The following RAD54L2 variants were observed in gnomAD, a reference collection of about 807,000 sequenced individuals.
RAD54L2 encodes the protein helicase ARIP4.
RAD54L2 carries 27 observed loss-of-function variants against 138.4 expected under a neutral mutation model. The observed-to-expected ratio is 0.20, with a 90% CI of 0.14 to 0.27. RAD54L2 has a LOEUF of 0.27. Ranked by LOEUF, RAD54L2 falls within the 10% of genes least tolerant of loss-of-function variation. RAD54L2 has a pLI of 1.00. For missense variants in RAD54L2, 1,396 were observed against 1,890.2 expected (o/e 0.74, Z 4.85); for synonymous variants, 644 against 723.2 (o/e 0.89, Z 1.76).
intron 3 of RAD54L2, among the ~76,000 whole-genome samples, chr3:51,597,994 T>C (rs1221651563): frequency 6.7e-6 from 1 of 148,710 alleles, no homozygotes; most frequent in Non-Finnish European, 1.5e-5. Flanking sequence ...ATAATTATGC[T>C]GAGTGAAAGC....
intron 2 of RAD54L2, among the ~76,000 whole-genome samples, chr3:51,547,266 G>A (rs1698721287): frequency 1.3e-5 from 2 of 151,984 alleles, no homozygotes; most frequent in Non-Finnish European, 2.9e-5. Context: ...CAGTCTCCCA[G>A]TTAGGAGATC....
rs1162539185 is a variant in RAD54L2, at chr3:51,660,052, C to T, written c.3343C>T (p.Arg1115Trp). The T allele has an allele frequency of 3.1e-6, 5 of 1,596,270 alleles. No homozygotes were observed. The highest frequency in any genetic ancestry group is 4.3e-6 in the Non-Finnish European group (5 of 1,165,558). The change falls in exon 22 of 23, where the codon CGG becomes TGG. Residue 1115 changes from arginine to tryptophan, a missense_variant. Around this residue, in one of 7 missense-constraint regions of RAD54L2, gnomAD observed 634 missense variants for 711.2 expected, o/e 0.89. Coordinates refer to ENST00000684192, the MANE Select transcript of RAD54L2 (RefSeq NM_015106.4). ...KGTYIRTSDG[R>W]IFAVRATGKP... The stretch of plus-strand genomic sequence containing the variant: ...GACGTACATCCGTACCAGTGATGGA[C>T]GGATCTTTGCTGTCCGGGCAACTGG...
In RAD54L2 at chr3:51,650,756, G is replaced by A. The variant is rs1233662509; in HGVS notation, c.3026+4275G>A. Among the ~76,000 whole-genome samples, 11 of 152,272 alleles carry A rather than the reference G, an allele frequency of 7.2e-5. No individual in the cohort carries two copies. In the East Asian group the frequency reaches 1.5e-3, roughly 21 times the overall value. Reference sequence around the variant, plus strand: ...AAACCAAAGAGAACAAAGACACAACGTACCAGAATATCTGGGACACATTTA... The same window carrying A: ...AAACCAAAGAGAACAAAGACACAACATACCAGAATATCTGGGACACATTTA... On this transcript the variant is annotated intron_variant, in intron 19 of 22. Transcript: ENST00000684192.
chr3:51,591,515 A>G (rs1699840471), intron 3 of RAD54L2, among the ~76,000 whole-genome samples: 1 of 152,174 alleles, frequency 6.6e-6, no homozygotes, highest in Admixed American at 6.6e-5. Flanking sequence ...CATTCATCCT[A>G]ACAGCTGTCA....
chr3:51,646,565 C>G (rs1324619829), intron 19 of RAD54L2, 84 bp downstream of exon 19: 1 of 1,334,558 alleles, frequency 7.5e-7, no homozygotes, highest in Non-Finnish European at 1.0e-6. Flanking sequence ...AAAGGCAGAG[C>G]CTACAACTTG....
intron 3 of RAD54L2, among the ~76,000 whole-genome samples, chr3:51,621,413 C>G (rs1700566860): frequency 6.6e-6 from 1 of 152,172 alleles, no homozygotes; most frequent in Non-Finnish European, 1.5e-5. Context: ...CCACATTCAG[C>G]CTCATGTCAG....
Position 51,667,897 on chromosome 3 carries a change from C to T in RAD54L2, c.*4477C>T, listed in dbSNP as rs1404771374. ...TTGCAGGTCTATTTGACATAGTAAT[C>T]TAGTGTGTTGGGGAGGGGTAGCCAA... On this transcript the variant is annotated 3_prime_UTR_variant, in exon 23 of 23. Coordinates refer to ENST00000684192, the MANE Select transcript of RAD54L2 (RefSeq NM_015106.4). 1 of 152,140 alleles carries T rather than the reference C, an allele frequency of 6.6e-6. No individual in the cohort carries two copies. The highest frequency in any genetic ancestry group is 2.4e-5 in the African/African-American group (1 of 41,390). 9.4% of individuals were successfully genotyped at this position (152,140 alleles called of 1,614,324 possible).
At chr3:51,646,175 A>T in intron 18 of RAD54L2, 110 bp from the exon 19 acceptor site, 1 of 934,102 alleles carries the variant, frequency 1.1e-6, no homozygotes, top group Non-Finnish European at 1.6e-6. Flanking sequence ...ATCTCTGAGC[A>T]GTCTCTTCGC....
At chr3:51,627,160 C>T (rs1254160231) in intron 3 of RAD54L2, among the ~76,000 whole-genome samples, 4 of 152,284 alleles carry the variant, frequency 2.6e-5, no homozygotes, top group East Asian at 1.9e-4. Context: ...AATGGACTTG[C>T]TTAGAGTCAT....
At position 51,637,032 on chromosome 3, in the gene RAD54L2, G is replaced by T; in HGVS notation, c.1340-129G>T. 1.3e-6 allele frequency: 1 copy of T among 795,086 alleles called. No homozygotes were observed. Among genetic ancestry groups the T allele is most frequent in the Middle Eastern group, 2.4e-4 (1 of 4,152 alleles). 49.3% of individuals were successfully genotyped at this position (795,086 alleles called of 1,614,324 possible). A position where few individuals can be genotyped will look rare whatever the true frequency, so the allele number is the denominator to read the frequency against. Reference sequence around the variant, plus strand: ...AATGGCTGGCACCCTCTCACCAAGGGGGGCTGACTCTTGCTTTCCTGCTTC... The same window carrying T: ...AATGGCTGGCACCCTCTCACCAAGGTGGGCTGACTCTTGCTTTCCTGCTTC... On this transcript the variant is annotated intron_variant, in intron 10 of 22. Coordinates refer to ENST00000684192, the MANE Select transcript of RAD54L2 (RefSeq NM_015106.4). This position sits in a 1 kb window ranked among gnomAD's most constrained non-coding sequence, Gnocchi z 5.9.
In RAD54L2 at chr3:51,656,131, C is replaced by T. The variant is rs754302720; in HGVS notation, c.3187C>T (p.Arg1063Cys). ...GAACTTTCCCATCAACTACTTGCAGCGTGCAGGAGTCCTTGTGCAGAAGGT... is the reference window on the plus strand; with the variant it reads ...GAACTTTCCCATCAACTACTTGCAGTGTGCAGGAGTCCTTGTGCAGAAGGT... ...SMNFPINYLQ[R>C]AGVLVQKVVT... The change falls in exon 20 of 23, where the codon CGT becomes TGT. Residue 1063 changes from arginine (R) to cysteine (C), a missense_variant. Around this residue, in one of 7 missense-constraint regions of RAD54L2, gnomAD observed 634 missense variants for 711.2 expected, o/e 0.89. Coordinates refer to ENST00000684192, the MANE Select transcript of RAD54L2 (RefSeq NM_015106.4). 7 of 1,613,556 alleles carry T rather than the reference C, an allele frequency of 4.3e-6. No individual in the cohort carries two copies. The Admixed American group carries it at 5.0e-5, about 12-fold the overall frequency.
Position 51,641,877 on chromosome 3 carries a change from T to C in RAD54L2, c.2350+10T>C, listed in dbSNP as rs1244788146. On this transcript the variant is annotated intron_variant, in intron 15 of 22. Coordinates refer to ENST00000684192, the MANE Select transcript of RAD54L2 (RefSeq NM_015106.4). ...AACATCAGCTACTTCCGTGAGTTCA[T>C]TGTTGCGTTGTTCTTGAAGCCTTGG... 2.6e-6 allele frequency: 4 copies of C among 1,547,024 alleles called. No homozygotes were observed. Among genetic ancestry groups the C allele is most frequent in the Non-Finnish European group, 3.5e-6 (4 of 1,138,098 alleles).
At chr3:51,659,136 C>T (rs998173758) in intron 21 of RAD54L2, among the ~76,000 whole-genome samples, 7 of 129,216 alleles carry the variant, frequency 5.4e-5, no homozygotes, top group East Asian at 2.2e-4. Flanking sequence ...GGCAGAGTCT[C>T]GCTCTGTTGC....
chr3:51,590,333 C>G (rs974112750), intron 2 of RAD54L2, 34 bp from the exon 3 acceptor site: 1 of 1,404,210 alleles, frequency 7.1e-7, no homozygotes, highest in African/African-American at 1.5e-5. Context: ...AAGCAAAACC[C>G]TTGGTGATTC....
At chr3:51,649,372 T>C (rs1290424095) in intron 19 of RAD54L2, among the ~76,000 whole-genome samples, 1 of 152,170 alleles carries the variant, frequency 6.6e-6, no homozygotes, top group Non-Finnish European at 1.5e-5. Context: ...GAAAACACTC[T>C]TCAGGATATT....
chr3:51,645,716 T>C lies in RAD54L2; in HGVS notation c.2782T>C (p.Ser928Pro), dbSNP rs949701310. The C allele has an allele frequency of 1.9e-6, 3 of 1,612,426 alleles. No homozygotes were observed. Among genetic ancestry groups the C allele is most frequent in the Non-Finnish European group, 2.5e-6 (3 of 1,179,440 alleles). Residue 928 changes from serine (S) to proline (P), a missense_variant, in exon 18 of 23, where the codon TCA (serine) becomes CCA (proline). Around this residue, in one of 7 missense-constraint regions of RAD54L2, gnomAD observed 634 missense variants for 711.2 expected, o/e 0.89. Coordinates refer to ENST00000684192, the MANE Select transcript of RAD54L2 (RefSeq NM_015106.4). This position sits in a 1 kb window ranked among gnomAD's most constrained non-coding sequence, Gnocchi z 6.1. ...VSLNVKGIKE[S>P]VLQLACLKYP... ...CTTGAACGTAAAGGGGATCAAGGAG[T>C]CAGTCCTGCAACTGGCCTGTCTGAA...
chr3:51,626,948 T>C (rs1030639880), intron 3 of RAD54L2, among the ~76,000 whole-genome samples: 1 of 152,142 alleles, frequency 6.6e-6, no homozygotes, highest in Admixed American at 6.6e-5. Flanking sequence ...CCATGTTGAG[T>C]CTGTGTTTGT....
chr3:51,653,183 TTCA>T (rs1701488880), intron 19 of RAD54L2, among the ~76,000 whole-genome samples: 1 of 152,150 alleles, frequency 6.6e-6, no homozygotes, highest in Non-Finnish European at 1.5e-5. Flanking sequence ...GAAAAAAATG[TTCA>T]TCATCACTGG....
chr3:51,581,810 A>T (rs1699613398), intron 2 of RAD54L2, among the ~76,000 whole-genome samples: 2 of 152,014 alleles, frequency 1.3e-5, no homozygotes, highest in African/African-American at 4.8e-5. Context: ...GATAAACCTG[A>T]TCTGCTTTTA....
Sources: allele counts gnomAD v4.1 joint callset (sites outside exome capture counted in the v4.1 genomes callset), GRCh38; gene constraint gnomAD v4.1.1; regional missense constraint gnomAD v4.1.1; non-coding constraint Gnocchi (gnomAD v3.1); transcripts MANE v1.5; gene names NCBI Gene and HGNC (gene_info 2026-07-23, HGNC 2026-07-21).